The following CSAD variants were observed in gnomAD, a reference collection of about 807,000 sequenced individuals.
CSAD encodes cysteine sulfinic acid decarboxylase, also known as P-selectin cytoplasmic tail-associated protein.
In CSAD, 47 loss-of-function variants were observed where a neutral mutation model predicts 61.5. The observed-to-expected ratio is 0.76, with a 90% CI of 0.60 to 0.97. CSAD has a LOEUF of 0.97. Ranked by LOEUF, CSAD falls within the 50% of genes least tolerant of loss-of-function variation. The probability of loss-of-function intolerance (pLI) is 0.00; values close to 1 mark genes in which losing one functional copy is unlikely to be tolerated. For synonymous variants in CSAD, 245 were observed against 252.7 expected (o/e 0.97, Z 0.29); for missense variants, 611 against 643.6 (o/e 0.95, Z 0.55).
chr12:53,170,352 G>A, intron 9 of CSAD, 71 bp downstream of exon 9: 3 of 1,401,152 alleles, frequency 2.1e-6, no homozygotes, highest in Non-Finnish European at 3.0e-6. Context: ...TCTGATGCCA[G>A]AGCTTTCTGG....
rs774482507 is a variant in CSAD, at chr12:53,161,319, G to C, written c.773C>G (p.Ala258Gly). The part of the protein sequence containing the change: ...TVLGAFDPLE[A>G]IADVCQRHGL... The stretch of plus-strand genomic sequence containing the variant: ...ATGACGCTGGCACACATCAGCAATT[G>C]CCTCCAGGGGGTCAAAGGCCCCTAG... The change falls in exon 11 of 17, where the codon GCA becomes GGA. Residue 258 changes from alanine to glycine, a missense_variant. By Grantham distance (60) the Ala-to-Gly change is moderately conservative (BLOSUM62 0). Coordinates refer to ENST00000444623, the MANE Select transcript of CSAD (RefSeq NM_001244705.2). 2.5e-6 allele frequency: 4 copies of C among 1,614,096 alleles called. No homozygotes were observed. The highest frequency in any genetic ancestry group is 3.4e-6 in the Non-Finnish European group (4 of 1,180,018).
rs551724494 is a variant in CSAD, at chr12:53,178,940, G to A, written c.-50+162C>T. On this transcript the variant is annotated intron_variant, in intron 2 of 16. Transcript: ENST00000444623. Reference sequence around the variant, plus strand: ...CGACTCTCGCCTCACCACAACTCCCGCCTCCCGGGTTCAAGTGATTCTCCT... The same window carrying A: ...CGACTCTCGCCTCACCACAACTCCCACCTCCCGGGTTCAAGTGATTCTCCT... Among the ~76,000 whole-genome samples the A allele has an allele frequency of 9.9e-5, 15 of 152,032 alleles. No individual in the cohort carries two copies. The South Asian group carries it at 2.9e-3, about 29-fold the overall frequency.
rs756872879 is a variant in CSAD, at chr12:53,171,343, G to C, written c.550C>G (p.Leu184Val). ...RGLRTLPPLA[L>V]FTSKECHYSI... ...TTCCCCACCTCCTTCGATGTGAATA[G>C]GGCCAGGGGCGGCAGTGTGCGGAGG... The change falls in exon 8 of 17, where the codon CTA (leucine) becomes GTA (valine). Residue 184 changes from leucine (L) to valine (V), a missense_variant. Transcript: ENST00000444623. 5 of 1,614,094 alleles carry C rather than the reference G, an allele frequency of 3.1e-6. No individual in the cohort carries two copies. The South Asian group carries it at 4.4e-5, about 14-fold the overall frequency.
In CSAD at chr12:53,159,932, C is replaced by A; in HGVS notation, c.1173G>T (p.Leu391=). 1.2e-6 allele frequency: 2 copies of A among 1,606,286 alleles called. No individual in the cohort carries two copies. The highest frequency in any genetic ancestry group is 1.7e-6 in the Non-Finnish European group (2 of 1,175,722). The change falls in exon 15 of 17, where the codon CTG becomes CTT. Residue 391 remains leucine (L), a synonymous_variant. Coordinates refer to ENST00000444623, the MANE Select transcript of CSAD (RefSeq NM_001244705.2). ...CTTCCCGCTTCTTCATTTCCTCCAC[C>A]AGGTACCTGTGAACAGAGAGTGAGA... is the stretch of plus-strand genomic sequence containing the variant. ...IDQAFVLARY[L]VEEMKKREGF... is the part of the protein sequence containing the mutation.
chr12:53,175,847 G>A (rs1421662122), intron 2 of CSAD, among the ~76,000 whole-genome samples: 1 of 152,134 alleles, frequency 6.6e-6, no homozygotes, highest in South Asian at 2.1e-4. Flanking sequence ...AATAGTATTA[G>A]AAATTAGCCT....
At chr12:53,162,294 G>A (rs368689908) in intron 10 of CSAD, among the ~76,000 whole-genome samples, 10 of 151,900 alleles carry the variant, frequency 6.6e-5, no homozygotes, top group African/African-American at 2.2e-4. Flanking sequence ...AATAGGCTGG[G>A]TACGGTGGCT....
Position 53,160,285 on chromosome 12 carries a change from C to T in CSAD, c.1001G>A (p.Ser334Asn). 1 of 1,614,206 alleles carries T rather than the reference C, an allele frequency of 6.2e-7. No individual in the cohort carries two copies. The highest frequency in any genetic ancestry group is 8.5e-7 in the Non-Finnish European group (1 of 1,180,032). The change falls in exon 14 of 17, where the codon AGC (serine) becomes AAC (asparagine). Residue 334 changes from serine to asparagine, a missense_variant. By Grantham distance (46) the Ser-to-Asn change is conservative (BLOSUM62 1). Transcript: ENST00000444623. ...GAACTTGTCCTGCTGGAAAAGGTAG[C>T]TGGCCTGGGACCCATGGCAGCGCTT... ...LLKRCHGSQA[S>N]YLFQQDKFYD...
intron 1 of CSAD, chr12:53,180,398 C>T (rs1417394647): frequency 3.0e-6 from 3 of 985,234 alleles, no homozygotes; most frequent in African/African-American, 3.5e-5. Context: ...TCTGAACCAG[C>T]TCACCCAGCA....
intron 7 of CSAD, 43 bp downstream of exon 7, chr12:53,171,839 C>A: frequency 7.8e-7 from 1 of 1,277,552 alleles, no homozygotes; most frequent in Non-Finnish European, 1.1e-6. Flanking sequence ...GGAGGAGGAA[C>A]TCATAAAAAG....
chr12:53,165,662 CAAAAAAAA>C (rs540475159), intron 10 of CSAD, among the ~76,000 whole-genome samples: 1 of 46,968 alleles, frequency 2.1e-5, no homozygotes, highest in Non-Finnish European at 4.4e-5. Flanking sequence ...GACTCCATCT[CAAAAAAAA>C]AAAAAAAAAA....
chr12:53,180,508 A>T, intron 1 of CSAD: 1 of 1,260,300 alleles, frequency 7.9e-7, no homozygotes, highest in Middle Eastern at 2.5e-4. Context: ...GCCACGGCGC[A>T]CGCGCCGGCC....
upstream of CSAD, chr12:53,181,135 G>T (rs895030273): frequency 6.0e-5 from 59 of 977,496 alleles, no homozygotes; most frequent in Admixed American, 1.8e-4. Context: ...GGTGCAGCGG[G>T]TGCAGAGGCT....
intron 2 of CSAD, chr12:53,177,863 C>T (rs1459888673): frequency 6.5e-6 from 1 of 153,474 alleles, no homozygotes; most frequent in Non-Finnish European, 1.5e-5. Flanking sequence ...TGGTCTCAAA[C>T]TCCTGGCCTC....
intron 1 of CSAD, chr12:53,179,524 A>C: frequency 2.1e-6 from 1 of 482,934 alleles, no homozygotes; most frequent in Non-Finnish European, 3.6e-6. Context: ...ATTTTCAAAA[A>C]AGATTTAAAA....
Position 53,161,181 on chromosome 12 carries a change from C to A in CSAD, c.830G>T (p.Gly277Val). ...GLWLHVDAAW[G>V]GSVLLSQTHR... ...TGTCTGTGACAGCAGGACGCTCCCA[C>A]CCCAGGCAGCCTGTGGAGCAGGAGG... Residue 277 changes from glycine to valine, a missense_variant, in exon 12 of 17, where the codon GGT becomes GTT. Physicochemically the swap from Gly to Val is moderately radical, Grantham distance 109. Transcript: ENST00000444623. 1 of 1,614,172 alleles carries A rather than the reference C, an allele frequency of 6.2e-7. No individual in the cohort carries two copies. Among genetic ancestry groups the A allele is most frequent in the South Asian group, 1.1e-5 (1 of 91,084 alleles).
chr12:53,171,589 G>A (rs1940585643), intron 7 of CSAD, 148 bp from the exon 8 acceptor site: 2 of 753,086 alleles, frequency 2.7e-6, no homozygotes, highest in Non-Finnish European at 4.3e-6. Context: ...TACCATCCCA[G>A]AATGGATCCA....
chr12:53,173,329 G>A lies in CSAD; in HGVS notation c.126+16C>T, dbSNP rs760493229. ...AAAGAAAGCTTGATGGGAAGGAGGAGGAAGAAAGGACTCACCTTCTGGGAG... is the reference window on the plus strand; with the variant it reads ...AAAGAAAGCTTGATGGGAAGGAGGAAGAAGAAAGGACTCACCTTCTGGGAG... On this transcript the variant is annotated intron_variant, in intron 4 of 16. Coordinates refer to ENST00000444623, the MANE Select transcript of CSAD (RefSeq NM_001244705.2). 6 of 1,602,792 alleles carry A rather than the reference G, an allele frequency of 3.7e-6. No homozygotes were observed. In the Admixed American group the frequency reaches 5.0e-5, roughly 13 times the overall value.
At chr12:53,166,034 C>T (rs1024327910) in intron 10 of CSAD, among the ~76,000 whole-genome samples, 3 of 152,082 alleles carry the variant, frequency 2.0e-5, no homozygotes, top group Non-Finnish European at 4.4e-5. Context: ...ATAAGCCAAT[C>T]GAAAAAGACA....
chr12:53,158,486 AGGCC>A lies in CSAD; in HGVS notation c.*21_*24del. The A allele has an allele frequency of 6.2e-7, 1 of 1,603,364 alleles. No homozygotes were observed. Among genetic ancestry groups the A allele is most frequent in the Non-Finnish European group, 8.5e-7 (1 of 1,172,370 alleles). ...ACTCTGCGGGTGAGGGGTGGTATCA[AGGCC>A]GGCAGCAAGACAGAGAAGGCTCACA... On this transcript the variant is annotated 3_prime_UTR_variant, in exon 17 of 17. Transcript: ENST00000444623.
Sources: gnomAD v4.1 joint callset for allele counts (sites outside exome capture counted in the v4.1 genomes callset) on GRCh38, gnomAD v4.1.1 for gene constraint, MANE v1.5 for transcripts, NCBI Gene and HGNC (gene_info 2026-07-23, HGNC 2026-07-21) for gene names.